Variants in PPA2 observed in about 807,000 individuals in gnomAD.
PPA2 encodes the protein inorganic pyrophosphatase 2, mitochondrial.
PPA2 carries 48 observed loss-of-function variants against 49.5 expected under a neutral mutation model. The observed-to-expected ratio is 0.97, with a 90% CI of 0.77 to 1.23. PPA2 has a LOEUF of 1.23. Ranked by LOEUF, PPA2 falls within the 50% of genes most tolerant of loss-of-function variation. The pLI, the probability that PPA2 is intolerant of heterozygous loss-of-function variation, is 0.00. For missense variants in PPA2, 429 were observed against 410.1 expected, an observed-to-expected ratio of 1.05 and a Z score of -0.40; for synonymous variants, 131 against 139.9, an observed-to-expected ratio of 0.94 and a Z score of 0.45.
chr4:105,409,138 T>C (rs1375265464), intron 7 of PPA2, among the ~76,000 whole-genome samples: 1 of 152,164 alleles, frequency 6.6e-6, no homozygotes, highest in African/African-American at 2.4e-5. Flanking sequence ...GGGATTTCCC[T>C]TTCCTAGGCA....
intron 7 of PPA2, chr4:105,405,174 T>C: frequency 1.5e-6 from 1 of 655,682 alleles, no homozygotes; most frequent in South Asian, 7.0e-5. Flanking sequence ...ATATTGACAG[T>C]TATTTTAATT....
chr4:105,409,908 C>G (rs188529510), intron 7 of PPA2, among the ~76,000 whole-genome samples: 4 of 152,298 alleles, frequency 2.6e-5, no homozygotes, highest in Admixed American at 1.3e-4. Flanking sequence ...CCATCTGTAG[C>G]TCACCAACAT....
At chr4:105,435,764 T>G (rs532877891) in intron 6 of PPA2, among the ~76,000 whole-genome samples, 1 of 152,298 alleles carries the variant, frequency 6.6e-6, no homozygotes, top group Admixed American at 6.5e-5. Context: ...CATTCCTTCA[T>G]GATAAAAACC....
rs559192615 is a variant in PPA2 at position 105,438,119 on chromosome 4, T to C, written c.442-83A>G. 1.8e-5 allele frequency: 17 copies of C among 969,018 alleles called. No individual in the cohort carries two copies. In the African/African-American group the frequency reaches 2.0e-4, roughly 11 times the overall value. The allele number at this position is 969,018 out of a possible 1,614,324, so 60.0% of individuals were successfully genotyped here. Reference sequence around the variant, plus strand: ...AATCTTTCCACATAATCACAAAGTTTTATAGATAACAATAATCCAAAGAAA... The same window carrying C: ...AATCTTTCCACATAATCACAAAGTTCTATAGATAACAATAATCCAAAGAAA... On this transcript the variant is annotated intron_variant, in intron 5 of 11. Transcript: ENST00000341695.
At chr4:105,438,163 T>G (rs1346808772) in intron 5 of PPA2, 127 bp from the exon 6 acceptor site, 1 of 685,062 alleles carries the variant, frequency 1.5e-6, no homozygotes. Context: ...AGAAATTACA[T>G]AGGCCCAAGG....
In PPA2 at chr4:105,424,863, C is replaced by T. The variant is rs191597022; in HGVS notation, c.529-541G>A. On this transcript the variant is annotated intron_variant, in intron 6 of 11. Coordinates refer to ENST00000341695, the MANE Select transcript of PPA2 (RefSeq NM_176869.3). Reference sequence around the variant, plus strand: ...TATACATAGGGGTTCCTTTGAGACACGGATTAAACACTAACCTGTGCATTC... The same window carrying T: ...TATACATAGGGGTTCCTTTGAGACATGGATTAAACACTAACCTGTGCATTC... 1.8e-4 allele frequency among the ~76,000 whole-genome samples: 27 copies of T among 152,254 alleles called. No homozygotes were observed. In the East Asian group the frequency reaches 3.5e-3, roughly 20 times the overall value.
intron 7 of PPA2, among the ~76,000 whole-genome samples, chr4:105,414,743 T>C (rs1722928049): frequency 6.6e-6 from 1 of 152,126 alleles, no homozygotes; most frequent in Admixed American, 6.5e-5. Context: ...GATCAGGAGG[T>C]GGCATGTTTC....
chr4:105,473,759 G>T (rs1163687940), intron 1 of PPA2, 135 bp downstream of exon 1: 2 of 1,323,306 alleles, frequency 1.5e-6, no homozygotes, highest in Non-Finnish European at 2.1e-6. Flanking sequence ...AAGGTGGCCT[G>T]GACCGCGCGG....
chr4:105,426,231 A>G (rs890289499), intron 6 of PPA2, among the ~76,000 whole-genome samples: 6 of 152,236 alleles, frequency 3.9e-5, no homozygotes, highest in Non-Finnish European at 7.3e-5. Flanking sequence ...ATGGCCGAAT[A>G]GGAACAGCTC....
rs1425468456 is a variant in PPA2, at chr4:105,370,983, A to G, written c.940-110T>C. 6.9e-6 allele frequency: 7 copies of G among 1,015,824 alleles called. No individual in the cohort carries two copies. In the East Asian group the frequency reaches 1.8e-4, roughly 26 times the overall value. 62.9% of individuals were successfully genotyped at this position (1,015,824 alleles called of 1,614,324 possible). On this transcript the variant is annotated intron_variant, in intron 10 of 11. Transcript: ENST00000341695. ...ATAGAAGAAAGTTTACACACAATGG[A>G]TCTCTAACCTGAAAAAGGTAAATAT... is the stretch of plus-strand genomic sequence containing the variant.
intron 7 of PPA2, among the ~76,000 whole-genome samples, chr4:105,417,587 T>G (rs1723071033): frequency 6.7e-6 from 1 of 149,864 alleles, no homozygotes; most frequent in African/African-American, 2.4e-5. Flanking sequence ...GAGGTCAAGG[T>G]TCAAAAAAGA....
chr4:105,454,563 T>C (rs535603054), intron 2 of PPA2, among the ~76,000 whole-genome samples: 2 of 152,252 alleles, frequency 1.3e-5, no homozygotes, highest in African/African-American at 4.8e-5. Context: ...CTTGATCTCC[T>C]GACCTCATGA....
intron 5 of PPA2, among the ~76,000 whole-genome samples, chr4:105,443,439 A>G (rs1308949815): frequency 9.3e-6 from 1 of 107,598 alleles, no homozygotes; most frequent in East Asian, 2.9e-4. Context: ...ATCAACCATC[A>G]AGCAGAAAAA....
chr4:105,424,382 C>G (rs1723394156), intron 6 of PPA2, 60 bp from the exon 7 acceptor site: 1 of 1,411,246 alleles, frequency 7.1e-7, no homozygotes, highest in African/African-American at 1.5e-5. Context: ...TCACATATCA[C>G]AAAATCCATA....
At chr4:105,375,993 A>T (rs1733233717) in intron 10 of PPA2, among the ~76,000 whole-genome samples, 1 of 152,174 alleles carries the variant, frequency 6.6e-6, no homozygotes, top group South Asian at 2.1e-4. Context: ...CCATCTTGTG[A>T]TCCTTAGGAA....
At chr4:105,420,569 C>G (rs963995976) in intron 7 of PPA2, among the ~76,000 whole-genome samples, 6 of 152,176 alleles carry the variant, frequency 3.9e-5, no homozygotes, top group Admixed American at 2.0e-4. Context: ...TCTCGTTTAT[C>G]TGACTGACAA....
chr4:105,459,140 C>T (rs929871020), intron 1 of PPA2, among the ~76,000 whole-genome samples: 2 of 152,088 alleles, frequency 1.3e-5, no homozygotes, highest in African/African-American at 4.8e-5. Flanking sequence ...TTTCCCCACC[C>T]TAGCAACAAG....
At chr4:105,458,503 C>T (rs912153409) in intron 1 of PPA2, among the ~76,000 whole-genome samples, 1 of 151,940 alleles carries the variant, frequency 6.6e-6, no homozygotes, top group African/African-American at 2.4e-5. Context: ...ACAACAACAA[C>T]AAATAAGCCC....
At chr4:105,432,489 A>T (rs891412808) in intron 6 of PPA2, among the ~76,000 whole-genome samples, 2 of 152,244 alleles carry the variant, frequency 1.3e-5, no homozygotes, top group African/African-American at 4.8e-5. Flanking sequence ...TGTCATTTTG[A>T]ATAATAAAAG....
Sources: allele counts gnomAD v4.1 joint callset (sites outside exome capture counted in the v4.1 genomes callset), GRCh38; gene constraint gnomAD v4.1.1; transcripts MANE v1.5; gene names NCBI Gene and HGNC (gene_info 2026-07-23, HGNC 2026-07-21).